Variants in PTPRD observed in about 807,000 individuals in gnomAD.
PTPRD encodes the protein protein tyrosine phosphatase receptor type D, also known as receptor-type tyrosine-protein phosphatase delta.
A neutral mutation model predicts 214.5 loss-of-function variants in PTPRD; 34 were observed. The ratio of observed to expected loss-of-function variants is 0.16; its 90% CI spans 0.12 to 0.21. The LOEUF (loss-of-function observed/expected upper bound fraction) is 0.21, where lower values mean the gene tolerates loss of function less well. PTPRD is among the 10% of genes least tolerant of loss of function. PTPRD has a pLI of 1.00. For missense variants in PTPRD, 2,545 were observed against 2,398.7 expected (o/e 1.06, Z -1.27); for synonymous variants, 1,128 against 845.7 (o/e 1.33, Z -5.79).
chr9:9,396,662 G>A (rs1018969066), intron 9 of PTPRD, among the ~76,000 whole-genome samples: 3 of 152,052 alleles, frequency 2.0e-5, no homozygotes, highest in South Asian at 4.1e-4. Flanking sequence ...AGGGAAGGGG[G>A]AGGATGCTAT....
At chr9:10,001,193 G>A (rs759823083) in intron 4 of PTPRD, among the ~76,000 whole-genome samples, 10 of 151,982 alleles carry the variant, frequency 6.6e-5, no homozygotes, top group Non-Finnish European at 1.2e-4. Flanking sequence ...CCAGTCACCG[G>A]ATCTGTATCA....
At chr9:8,476,089 T>C (rs574257612) in intron 30 of PTPRD, among the ~76,000 whole-genome samples, 1 of 152,294 alleles carries the variant, frequency 6.6e-6, no homozygotes, top group South Asian at 2.1e-4. Context: ...GCTTTCAGTT[T>C]CTTGCATTTA....
chr9:9,791,702 C>G (rs2098968589), intron 5 of PTPRD, among the ~76,000 whole-genome samples: 2 of 152,090 alleles, frequency 1.3e-5, no homozygotes, highest in South Asian at 2.1e-4. Flanking sequence ...TCATTTAGAT[C>G]TTACCAACAG....
chr9:8,801,038 T>C (rs2096561258), intron 11 of PTPRD, among the ~76,000 whole-genome samples: 1 of 152,202 alleles, frequency 6.6e-6, no homozygotes, highest in Non-Finnish European at 1.5e-5. Flanking sequence ...CAAAGTGGGT[T>C]TGTTTTTGCA....
chr9:8,845,049 T>C (rs77896104), intron 11 of PTPRD, among the ~76,000 whole-genome samples: 12,664 of 152,162 alleles, frequency 0.083, 570 homozygotes, highest in Non-Finnish European at 0.098. Flanking sequence ...CTCAGCCTTA[T>C]ATTCCCACAG....
intron 8 of PTPRD, among the ~76,000 whole-genome samples, chr9:9,501,619 A>C (rs2096417536): frequency 6.6e-6 from 1 of 151,912 alleles, no homozygotes. Context: ...TTTTCTTTCC[A>C]AGTGCGTATG....
Position 10,375,879 on chromosome 9 carries a change from G to C in PTPRD, c.-599-34862C>G, listed in dbSNP as rs191456842. 5.9e-3 allele frequency among the ~76,000 whole-genome samples: 894 copies of C among 152,008 alleles called. 6 individuals are homozygous for C. Among genetic ancestry groups the C allele is most frequent in the African/African-American group, 0.021 (851 of 41,506 alleles). ...TTCTAAATATTGAGATTAGCTTATC[G>C]TGCCCTATTTTGAATTTGCATTTAT... On this transcript the variant is annotated intron_variant, in intron 2 of 45. Coordinates refer to ENST00000381196, the MANE Select transcript of PTPRD (RefSeq NM_002839.4).
intron 2 of PTPRD, among the ~76,000 whole-genome samples, chr9:10,483,059 A>C (rs2099110847): frequency 6.6e-6 from 1 of 152,166 alleles, no homozygotes; most frequent in African/African-American, 2.4e-5. Context: ...ATAGTAACCA[A>C]ACAGCATGGC....
chr9:8,702,210 A>G (rs1303799926), intron 12 of PTPRD, among the ~76,000 whole-genome samples: 1 of 151,840 alleles, frequency 6.6e-6, no homozygotes. Flanking sequence ...GTCTACGTTT[A>G]TATAGGACAG....
intron 7 of PTPRD, among the ~76,000 whole-genome samples, chr9:9,717,301 T>A (rs1452410773): frequency 3.9e-5 from 6 of 152,228 alleles, no homozygotes; most frequent in Non-Finnish European, 8.8e-5. Context: ...TCCAGCTTTG[T>A]TCTTTTCACT....
intron 35 of PTPRD, among the ~76,000 whole-genome samples, chr9:8,418,136 G>C (rs1223552279): frequency 6.6e-6 from 1 of 151,734 alleles, no homozygotes; most frequent in East Asian, 1.9e-4. Context: ...CTTTGGCTCT[G>C]TTTTCCTCTG....
At chr9:10,189,099 G>C (rs892057038) in intron 3 of PTPRD, among the ~76,000 whole-genome samples, 6 of 151,974 alleles carry the variant, frequency 3.9e-5, no homozygotes, top group Admixed American at 3.9e-4. Context: ...GATGTCCATT[G>C]TGAGGATGTG....
At chr9:8,462,930 A>G (rs1414889729) in intron 32 of PTPRD, among the ~76,000 whole-genome samples, 1 of 151,934 alleles carries the variant, frequency 6.6e-6, no homozygotes, top group African/African-American at 2.4e-5. Context: ...TGCTTAAAGC[A>G]GCTAGCAATG....
At chr9:9,724,998 C>T (rs893864291) in intron 7 of PTPRD, among the ~76,000 whole-genome samples, 1 of 152,118 alleles carries the variant, frequency 6.6e-6, no homozygotes, top group Admixed American at 6.6e-5. Context: ...GCATTCCCTA[C>T]TTTGTCACCC....
intron 2 of PTPRD, among the ~76,000 whole-genome samples, chr9:10,454,876 A>G (rs2098894955): frequency 6.6e-6 from 1 of 151,626 alleles, no homozygotes; most frequent in African/African-American, 2.4e-5. Context: ...GAGTGGTCCT[A>G]AAGATGAAAC....
chr9:10,001,038 G>A (rs1372929642), intron 4 of PTPRD, among the ~76,000 whole-genome samples: 1 of 152,108 alleles, frequency 6.6e-6, no homozygotes, highest in African/African-American at 2.4e-5. Context: ...TTTCTCTCTT[G>A]GGAACCCCGC....
chr9:9,390,727 G>C (rs1409770002), intron 9 of PTPRD, among the ~76,000 whole-genome samples: 1 of 152,154 alleles, frequency 6.6e-6, no homozygotes, highest in Admixed American at 6.6e-5. Flanking sequence ...AAGGAGGACA[G>C]CAGGCACAGT....
intron 9 of PTPRD, among the ~76,000 whole-genome samples, chr9:9,185,524 T>A (rs957209777): frequency 1.3e-5 from 2 of 152,084 alleles, no homozygotes; most frequent in Non-Finnish European, 2.9e-5. Context: ...TTCCGAGATT[T>A]ACCTCCTTTA....
intron 8 of PTPRD, among the ~76,000 whole-genome samples, chr9:9,540,557 C>G (rs892870236): frequency 6.6e-6 from 1 of 151,684 alleles, no homozygotes. Context: ...GACATTTAGA[C>G]AGAAGTTGAG....
Sources: allele counts gnomAD v4.1 joint callset (sites outside exome capture counted in the v4.1 genomes callset), GRCh38; gene constraint gnomAD v4.1.1; transcripts MANE v1.5; gene names NCBI Gene and HGNC (gene_info 2026-07-23, HGNC 2026-07-21).